The following DNER variants were observed in gnomAD, a reference collection of about 807,000 sequenced individuals.
DNER encodes delta and Notch-like epidermal growth factor-related receptor.
DNER carries 33 observed loss-of-function variants against 78.2 expected under a neutral mutation model. That is an observed-to-expected ratio of 0.42 (90% CI 0.32 to 0.56). The LOEUF (loss-of-function observed/expected upper bound fraction) is 0.56. Ranked by LOEUF, DNER falls within the 20% of genes least tolerant of loss-of-function variation. The pLI, the probability that DNER is intolerant of heterozygous loss-of-function variation, is 0.11. For synonymous variants in DNER, 417 were observed against 384.8 expected, an observed-to-expected ratio of 1.08 and a Z score of -0.98; for missense variants, 918 against 975.3, an observed-to-expected ratio of 0.94 and a Z score of 0.78.
chr2:229,504,274 C>A (rs1380979030), intron 6 of DNER, among the ~76,000 whole-genome samples: 1 of 151,896 alleles, frequency 6.6e-6, no homozygotes, highest in Non-Finnish European at 1.5e-5. Flanking sequence ...GGCTGGAGTG[C>A]AGTGGTGTGA....
chr2:229,386,371 G>T (rs1400995140), intron 11 of DNER, among the ~76,000 whole-genome samples: 3 of 152,114 alleles, frequency 2.0e-5, no homozygotes. Context: ...AAAAACCCTA[G>T]AAGAAAACCT....
At chr2:229,632,500 A>G (rs1698447819) in intron 1 of DNER, among the ~76,000 whole-genome samples, 1 of 152,190 alleles carries the variant, frequency 6.6e-6, no homozygotes, top group African/African-American at 2.4e-5. Context: ...ACAAATATCT[A>G]TGCTTCCAAA....
At chr2:229,599,524 C>A (rs1697788238) in intron 1 of DNER, among the ~76,000 whole-genome samples, 1 of 152,136 alleles carries the variant, frequency 6.6e-6, no homozygotes, top group African/African-American at 2.4e-5. Context: ...CAGTAGAATC[C>A]CTCCTTCCAA....
chr2:229,517,416 C>T (rs981716704), intron 5 of DNER, among the ~76,000 whole-genome samples: 1 of 152,158 alleles, frequency 6.6e-6, no homozygotes, highest in African/African-American at 2.4e-5. Context: ...TTATGAAGAA[C>T]ACAATTTAAA....
intron 5 of DNER, among the ~76,000 whole-genome samples, chr2:229,529,757 C>A (rs898213362): frequency 5.9e-5 from 9 of 152,160 alleles, no homozygotes; most frequent in African/African-American, 2.2e-4. Context: ...CCTGTAATCC[C>A]AACACTCTGA....
chr2:229,675,311 C>T (rs753903261), intron 1 of DNER, among the ~76,000 whole-genome samples: 1 of 152,210 alleles, frequency 6.6e-6, no homozygotes, highest in Non-Finnish European at 1.5e-5. Context: ...GTGGACCTAA[C>T]TCCATCTCAT....
intron 1 of DNER, among the ~76,000 whole-genome samples, chr2:229,697,641 T>C (rs140529763): frequency 3.9e-5 from 6 of 152,300 alleles, no homozygotes; most frequent in South Asian, 4.1e-4. Context: ...ACAAACTTCA[T>C]TGATGTTCCT....
intron 1 of DNER, among the ~76,000 whole-genome samples, chr2:229,640,800 G>A (rs1421830083): frequency 6.6e-6 from 1 of 152,198 alleles, no homozygotes; most frequent in Non-Finnish European, 1.5e-5. Flanking sequence ...CAGCATCAGT[G>A]TCATGGATGG....
At chr2:229,383,042 C>T (rs1349635349) in intron 11 of DNER, among the ~76,000 whole-genome samples, 1 of 152,116 alleles carries the variant, frequency 6.6e-6, no homozygotes, top group East Asian at 1.9e-4. Context: ...AAAGGAAGCC[C>T]ATCAGACTAA....
chr2:229,687,569 A>T (rs1699506586), intron 1 of DNER, among the ~76,000 whole-genome samples: 1 of 152,032 alleles, frequency 6.6e-6, no homozygotes, highest in South Asian at 2.1e-4. Context: ...CCTGGCCCAA[A>T]TTTCCAACTT....
chr2:229,404,328 A>G (rs145147208), intron 10 of DNER, among the ~76,000 whole-genome samples: 11,770 of 152,252 alleles, frequency 0.077, 519 homozygotes, highest in Non-Finnish European at 0.095. Context: ...ACTTACAATC[A>G]TGGCAGAAGG....
chr2:229,359,896 G>A (rs1477292638), intron 12 of DNER, among the ~76,000 whole-genome samples: 6 of 152,270 alleles, frequency 3.9e-5, no homozygotes, highest in South Asian at 2.1e-4. Context: ...GGCAAAACAC[G>A]GGGTTAAAGA....
chr2:229,591,460 T>A lies in DNER; in HGVS notation c.585+120A>T. On this transcript the variant is annotated intron_variant, in intron 2 of 12. Coordinates refer to ENST00000341772, the MANE Select transcript of DNER (RefSeq NM_139072.4). This position sits in a 1 kb window ranked among gnomAD's most constrained non-coding sequence, Gnocchi z 4.6. Reference sequence around the variant, plus strand: ...AGACAGGAATAAGTTTAGGGAGATATTTTGCTTCGTGATTTAACTTAAAAT... The same window carrying A: ...AGACAGGAATAAGTTTAGGGAGATAATTTGCTTCGTGATTTAACTTAAAAT... 1 of 1,234,674 alleles carries A rather than the reference T, an allele frequency of 8.1e-7. No individual in the cohort carries two copies. Among genetic ancestry groups the A allele is most frequent in the Admixed American group, 2.9e-5 (1 of 34,614 alleles). 76.5% of individuals were successfully genotyped at this position (1,234,674 alleles called of 1,614,324 possible).
At chr2:229,661,783 C>T (rs1699014937) in intron 1 of DNER, among the ~76,000 whole-genome samples, 1 of 152,146 alleles carries the variant, frequency 6.6e-6, no homozygotes, top group Non-Finnish European at 1.5e-5. Context: ...TGACATGAAG[C>T]ATTCAGACAC....
At chr2:229,653,135 T>C (rs1698849472) in intron 1 of DNER, among the ~76,000 whole-genome samples, 1 of 152,164 alleles carries the variant, frequency 6.6e-6, no homozygotes, top group Non-Finnish European at 1.5e-5. Flanking sequence ...ACTCTGAAAA[T>C]CCAAGCTTTC....
At chr2:229,516,055 G>T (rs1695964332) in intron 5 of DNER, among the ~76,000 whole-genome samples, 1 of 152,158 alleles carries the variant, frequency 6.6e-6, no homozygotes, top group Non-Finnish European at 1.5e-5. Context: ...TGAAACAATT[G>T]CTTTTGATAA....
In DNER at chr2:229,463,751, T is replaced by C. The variant is rs938286689; in HGVS notation, c.1261+13389A>G. 3.9e-4 allele frequency among the ~76,000 whole-genome samples: 60 copies of C among 152,006 alleles called. 1 individual carries two copies. The highest frequency in any genetic ancestry group is 2.1e-3 in the Admixed American group (32 of 15,266). ...CCGCTGTGCCCAGCTGAAGGTAAAA[T>C]GGTTTATGAAGTATTCTGCTGCGTA... On this transcript the variant is annotated intron_variant, in intron 7 of 12. Coordinates refer to ENST00000341772, the MANE Select transcript of DNER (RefSeq NM_139072.4).
intron 5 of DNER, among the ~76,000 whole-genome samples, chr2:229,518,964 T>TC (rs956349971): frequency 2.0e-5 from 3 of 151,712 alleles, no homozygotes; most frequent in Admixed American, 1.3e-4. Flanking sequence ...TTTTTTTTTT[T>TC]TTTATTTTTG....
intron 10 of DNER, among the ~76,000 whole-genome samples, chr2:229,393,267 A>C (rs1174669683): frequency 2.0e-5 from 3 of 151,914 alleles, no homozygotes; most frequent in Non-Finnish European, 4.4e-5. Flanking sequence ...GTCTCTACTA[A>C]AAATACAAAA....
Sources: gnomAD v4.1 joint callset for allele counts (sites outside exome capture counted in the v4.1 genomes callset) on GRCh38, gnomAD v4.1.1 for gene constraint, Gnocchi (gnomAD v3.1) non-coding constraint, MANE v1.5 for transcripts, NCBI Gene and HGNC (gene_info 2026-07-23, HGNC 2026-07-21) for gene names.